The following CILK1 variants were observed in gnomAD, a reference collection of about 807,000 sequenced individuals.
CILK1 encodes serine/threonine-protein kinase ICK.
In CILK1, 47 loss-of-function variants were observed where a neutral mutation model predicts 79.2. That is an observed-to-expected ratio of 0.59 (90% CI 0.47 to 0.76). The LOEUF (loss-of-function observed/expected upper bound fraction) is 0.76. Among genes scored for constraint, CILK1 ranks in the 30% least tolerant of loss-of-function variants. The probability of loss-of-function intolerance (pLI) is 0.00; values close to 1 mark genes in which losing one functional copy is unlikely to be tolerated. For missense variants in CILK1, 660 were observed against 769.5 expected (o/e 0.86, Z 1.68); for synonymous variants, 266 against 275.9 (o/e 0.96, Z 0.36).
At chr6:53,025,467 A>C (rs577370336) in intron 5 of CILK1, among the ~76,000 whole-genome samples, 15 of 151,708 alleles carry the variant, frequency 9.9e-5, no homozygotes, top group African/African-American at 3.6e-4. Context: ...AACACTGGCC[A>C]CTCCTCCCAT....
chr6:53,023,941 A>T (rs1157454434), intron 5 of CILK1, among the ~76,000 whole-genome samples: 5 of 152,214 alleles, frequency 3.3e-5, no homozygotes, highest in Admixed American at 2.0e-4. Context: ...TATAGAAGTG[A>T]TCAGATACAT....
At chr6:53,014,050 G>A in intron 8 of CILK1, 68 bp from the exon 9 acceptor site, 1 of 1,238,568 alleles carries the variant, frequency 8.1e-7, no homozygotes, top group Non-Finnish European at 1.2e-6. Context: ...TTGATTACTG[G>A]GCTATATTTC....
At chr6:53,008,380 C>T (rs1425348157) in intron 12 of CILK1, among the ~76,000 whole-genome samples, 1 of 150,362 alleles carries the variant, frequency 6.7e-6, no homozygotes, top group East Asian at 1.9e-4. Context: ...AGCAGGGAGG[C>T]GGGAAAGGCA....
intron 1 of CILK1, among the ~76,000 whole-genome samples, chr6:53,044,874 T>C (rs777858393): frequency 9.9e-5 from 15 of 152,250 alleles, no homozygotes; most frequent in Admixed American, 7.2e-4. Context: ...AACCAAACCA[T>C]TTGATCTTGG....
intron 2 of CILK1, among the ~76,000 whole-genome samples, chr6:53,040,340 G>A (rs1766617143): frequency 1.3e-5 from 2 of 152,178 alleles, no homozygotes; most frequent in Non-Finnish European, 2.9e-5. Context: ...GTCTCTCATT[G>A]CCTTCTTGAC....
chr6:53,018,326 T>C lies in CILK1; in HGVS notation c.663+4A>G. 1.2e-6 allele frequency: 2 copies of C among 1,614,064 alleles called. No homozygotes were observed. The highest frequency in any genetic ancestry group is 1.7e-6 in the Non-Finnish European group (2 of 1,179,920). On this transcript the variant is annotated splice_donor_region_variant and intron_variant, in intron 7 of 13. Transcript: ENST00000676107. Reference sequence around the variant, plus strand: ...GCCCACTGGCCTTTGTTTTGTATCATTACCTTTTTTGGTGTCCCCAGCACT... The same window carrying C: ...GCCCACTGGCCTTTGTTTTGTATCACTACCTTTTTTGGTGTCCCCAGCACT...
At chr6:53,029,858 T>C (rs181273015) in intron 5 of CILK1, among the ~76,000 whole-genome samples, 269 of 152,330 alleles carry the variant, frequency 1.8e-3, no homozygotes, top group African/African-American at 6.2e-3. Flanking sequence ...GTAAATGGAT[T>C]TCTACCTATG....
chr6:53,051,503 C>A (rs1465226848), intron 1 of CILK1, among the ~76,000 whole-genome samples: 1 of 152,206 alleles, frequency 6.6e-6, no homozygotes, highest in Non-Finnish European at 1.5e-5. Flanking sequence ...GTTGCAAGCA[C>A]TCCTTGGCTT....
chr6:53,010,884 G>A (rs1484960737), intron 11 of CILK1, among the ~76,000 whole-genome samples: 1 of 152,258 alleles, frequency 6.6e-6, no homozygotes, highest in African/African-American at 2.4e-5. Flanking sequence ...TAAAGCTGCT[G>A]TATAAAGCCA....
chr6:53,033,122 G>A (rs1270424618), intron 3 of CILK1, among the ~76,000 whole-genome samples: 1 of 152,210 alleles, frequency 6.6e-6, no homozygotes, highest in Non-Finnish European at 1.5e-5. Flanking sequence ...TTGATGGCCT[G>A]CTTCTCTTGA....
In CILK1 at chr6:53,038,328, T is replaced by C. The variant is rs188748326; in HGVS notation, c.102-335A>G. Among the ~76,000 whole-genome samples, 561 of 152,330 alleles carry C rather than the reference T, an allele frequency of 3.7e-3. 3 individuals are homozygous for C. The highest frequency in any genetic ancestry group is 4.1e-3 in the Non-Finnish European group (281 of 68,028). ...GAGCTGTCCAGCAGAACTTTCTATA[T>C]TGGTGAAACTGCTCTGTGCTGTCCA... On this transcript the variant is annotated intron_variant, in intron 2 of 13. Transcript: ENST00000676107.
At position 53,002,779 on chromosome 6, in the gene CILK1, C is replaced by T. The variant is rs145327958; in HGVS notation, c.*2370G>A. 6.6e-6 allele frequency: 1 copy of T among 152,118 alleles called. No homozygotes were observed. Among genetic ancestry groups the T allele is most frequent in the African/African-American group, 2.4e-5 (1 of 41,490 alleles). 9.4% of individuals were successfully genotyped at this position (152,118 alleles called of 1,614,324 possible). On this transcript the variant is annotated 3_prime_UTR_variant, in exon 14 of 14. Coordinates refer to ENST00000676107, the MANE Select transcript of CILK1 (RefSeq NM_014920.5). ...AAACGAAAGCATAAAAAGAAAAAAG[C>T]GAAGTATTTTCTGAAGTTGGGCCCT...
chr6:53,032,400 A>G, intron 4 of CILK1, 133 bp downstream of exon 4: 3 of 313,538 alleles, frequency 9.6e-6, no homozygotes, highest in Non-Finnish European at 1.5e-5. Flanking sequence ...AAAGTATAAT[A>G]ATAATAAAAT....
chr6:53,026,161 G>A (rs1011908219), intron 5 of CILK1, among the ~76,000 whole-genome samples: 1 of 151,914 alleles, frequency 6.6e-6, no homozygotes, highest in Non-Finnish European at 1.5e-5. Flanking sequence ...TTGTTTGTTT[G>A]TTTTTTGTTT....
intron 5 of CILK1, among the ~76,000 whole-genome samples, chr6:53,030,427 C>T (rs1254685157): frequency 1.3e-5 from 2 of 152,126 alleles, no homozygotes; most frequent in Non-Finnish European, 2.9e-5. Context: ...CTCTTTTTAC[C>T]TATGTGTGTT....
intron 1 of CILK1, among the ~76,000 whole-genome samples, chr6:53,047,500 C>CTT (rs574158671): frequency 0.012 from 957 of 82,380 alleles, 31 homozygotes; most frequent in African/African-American, 0.042. Context: ...GATGAGGTCT[C>CTT]TTTTTTTTTT....
chr6:53,033,325 G>A (rs6902799), intron 3 of CILK1, among the ~76,000 whole-genome samples: 3 of 152,112 alleles, frequency 2.0e-5, no homozygotes, highest in Admixed American at 6.5e-5. Context: ...AGAAAATGGT[G>A]CGTGGCCTTA....
At chr6:53,026,882 CAG>C (rs1765614856) in intron 5 of CILK1, among the ~76,000 whole-genome samples, 1 of 152,170 alleles carries the variant, frequency 6.6e-6, no homozygotes, top group Admixed American at 6.5e-5. Context: ...AGCTGAATAA[CAG>C]AGGGATTTTC....
intron 5 of CILK1, among the ~76,000 whole-genome samples, chr6:53,021,697 G>A (rs915250411): frequency 6.6e-6 from 1 of 151,766 alleles, no homozygotes; most frequent in Non-Finnish European, 1.5e-5. Context: ...CTGCATATAT[G>A]ATGGTGGTCT....
Sources: allele counts gnomAD v4.1 joint callset (sites outside exome capture counted in the v4.1 genomes callset), GRCh38; gene constraint gnomAD v4.1.1; transcripts MANE v1.5; gene names NCBI Gene and HGNC (gene_info 2026-07-23, HGNC 2026-07-21).